CYP2C18: variants seen among roughly 807,000 people sequenced by gnomAD.
The protein encoded by CYP2C18 is cytochrome P450 family 2 subfamily C member 18.
CYP2C18 carries 38 observed loss-of-function variants against 41.3 expected under a neutral mutation model. The observed-to-expected ratio is 0.92, with a 90% CI of 0.71 to 1.21. CYP2C18 has a LOEUF of 1.21. Ranked by LOEUF, CYP2C18 falls within the 50% of genes most tolerant of loss-of-function variation. CYP2C18 has a pLI of 0.00. For missense variants in CYP2C18, 635 were observed against 591.4 expected (o/e 1.07, Z -0.77); for synonymous variants, 236 against 210.0 (o/e 1.12, Z -1.07).
chr10:94,717,773 G>C (rs1400767513), intron 5 of CYP2C18, among the ~76,000 whole-genome samples: 1 of 152,008 alleles, frequency 6.6e-6, no homozygotes, highest in African/African-American at 2.4e-5. Context: ...AGTTGCATGG[G>C]TTCTTTTCCA....
rs570879704 is a variant in CYP2C18 at position 94,716,698 on chromosome 10, T to C, written c.820-3698T>C. Among the ~76,000 whole-genome samples the C allele has an allele frequency of 9.2e-5, 14 of 152,282 alleles. 1 individual carries two copies. The South Asian group carries it at 2.7e-3, about 29-fold the overall frequency. On this transcript the variant is annotated intron_variant, in intron 5 of 8. Coordinates refer to ENST00000285979, the MANE Select transcript of CYP2C18 (RefSeq NM_000772.3). Reference sequence around the variant, plus strand: ...GAGTTCTGTAGATGTCTATTAGATCTGCTTGGTGCAGAGCTGAGTTCAATT... The same window carrying C: ...GAGTTCTGTAGATGTCTATTAGATCCGCTTGGTGCAGAGCTGAGTTCAATT...
intron 3 of CYP2C18, among the ~76,000 whole-genome samples, chr10:94,693,593 T>C (rs759340230): frequency 6.6e-6 from 1 of 152,082 alleles, no homozygotes; most frequent in African/African-American, 2.4e-5. Context: ...CATGCATGCA[T>C]GCACACACAC....
intron 3 of CYP2C18, among the ~76,000 whole-genome samples, chr10:94,691,907 A>G (rs1376389534): frequency 1.3e-5 from 2 of 152,230 alleles, no homozygotes; most frequent in African/African-American, 4.8e-5. Flanking sequence ...AAACCTGACA[A>G]AAACAAGCAA....
rs573464588 is a variant in CYP2C18, at chr10:94,704,176, G to C, written c.643-2608G>C. 3.3e-5 allele frequency among the ~76,000 whole-genome samples: 5 copies of C among 152,232 alleles called. No homozygotes were observed. In the East Asian group the frequency reaches 9.7e-4, roughly 29 times the overall value. On this transcript the variant is annotated intron_variant, in intron 4 of 8. Coordinates refer to ENST00000285979, the MANE Select transcript of CYP2C18 (RefSeq NM_000772.3). ...CACAGACTGGAGCTGTTCTTATTTGGCCATCTTGCCCCAATCCCAGTCCAG... is the reference window on the plus strand; with the variant it reads ...CACAGACTGGAGCTGTTCTTATTTGCCCATCTTGCCCCAATCCCAGTCCAG...
At chr10:94,709,549 A>G (rs1847399073) in intron 5 of CYP2C18, among the ~76,000 whole-genome samples, 1 of 152,138 alleles carries the variant, frequency 6.6e-6, no homozygotes, top group Admixed American at 6.6e-5. Context: ...CCATTTTGTC[A>G]AGTGTCTTTC....
At chr10:94,713,963 C>G (rs1242940813) in intron 5 of CYP2C18, among the ~76,000 whole-genome samples, 2 of 152,196 alleles carry the variant, frequency 1.3e-5, no homozygotes, top group Non-Finnish European at 1.5e-5. Context: ...TGTCTGTTGG[C>G]TGCATAAATG....
intron 3 of CYP2C18, among the ~76,000 whole-genome samples, chr10:94,693,271 C>T (rs2134178886): frequency 6.6e-6 from 1 of 152,166 alleles, no homozygotes. Context: ...TTGGTACTGT[C>T]CTCATGATAG....
intron 7 of CYP2C18, among the ~76,000 whole-genome samples, chr10:94,729,686 G>A (rs1847797887): frequency 6.6e-6 from 1 of 152,050 alleles, no homozygotes; most frequent in African/African-American, 2.4e-5. Context: ...GGTGTCCAGT[G>A]GCTAAGAGAA....
chr10:94,719,332 G>C (rs900507067), intron 5 of CYP2C18, among the ~76,000 whole-genome samples: 1 of 151,994 alleles, frequency 6.6e-6, no homozygotes, highest in Non-Finnish European at 1.5e-5. Context: ...AACTAGTACT[G>C]TAGCTCTGAA....
intron 7 of CYP2C18, among the ~76,000 whole-genome samples, chr10:94,724,812 A>C (rs2134206241): frequency 6.6e-6 from 1 of 152,024 alleles, no homozygotes; most frequent in South Asian, 2.1e-4. Context: ...AAGTGTTGAA[A>C]GTATCATTTT....
chr10:94,705,211 G>A (rs1589798482), intron 4 of CYP2C18, among the ~76,000 whole-genome samples: 2 of 152,174 alleles, frequency 1.3e-5, no homozygotes, highest in African/African-American at 4.8e-5. Context: ...GTCCTTTGCA[G>A]GGACACAGAT....
rs943337978 is a variant in CYP2C18, at chr10:94,706,299, A to G, written c.643-485A>G. ...ATGGGTACTTATCCATAAAATGCTGAGTTACATTTTATGGTATCTTTGTAC... is the reference window on the plus strand; with the variant it reads ...ATGGGTACTTATCCATAAAATGCTGGGTTACATTTTATGGTATCTTTGTAC... On this transcript the variant is annotated intron_variant, in intron 4 of 8. Coordinates refer to ENST00000285979, the MANE Select transcript of CYP2C18 (RefSeq NM_000772.3). Among the ~76,000 whole-genome samples, 8 of 152,150 alleles carry G rather than the reference A, an allele frequency of 5.3e-5. No individual in the cohort carries two copies. In the East Asian group the frequency reaches 1.5e-3, roughly 29 times the overall value.
At chr10:94,728,569 C>T in intron 7 of CYP2C18, 1 of 852,282 alleles carries the variant, frequency 1.2e-6, no homozygotes, top group South Asian at 5.4e-5. Context: ...GGATTCATCT[C>T]TGATGAAGAG....
rs1364853450 is a variant in CYP2C18, at chr10:94,696,810, G to A, written c.642+1733G>A. ...AGGACCTGATGGAGCTGAAAACCAC[G>A]GCCCGAGAATTATGTGATGAATGCA... On this transcript the variant is annotated intron_variant, in intron 4 of 8. Transcript: ENST00000285979. 3.9e-5 allele frequency among the ~76,000 whole-genome samples: 6 copies of A among 152,230 alleles called. No homozygotes were observed. The South Asian group carries it at 6.2e-4, about 16-fold the overall frequency.
At chr10:94,697,774 G>A (rs1445312244) in intron 4 of CYP2C18, among the ~76,000 whole-genome samples, 1 of 152,116 alleles carries the variant, frequency 6.6e-6, no homozygotes, top group Admixed American at 6.5e-5. Context: ...CAAAATAAAG[G>A]GATGGAGGAA....
intron 6 of CYP2C18, among the ~76,000 whole-genome samples, chr10:94,721,370 G>A (rs1847641932): frequency 6.6e-6 from 1 of 152,082 alleles, no homozygotes; most frequent in African/African-American, 2.4e-5. Context: ...TTAATGCTGG[G>A]ACAGTAAAGA....
At position 94,720,413 on chromosome 10, in the gene CYP2C18, G is replaced by T; in HGVS notation, c.837G>T (p.Gln279His). Residue 279 changes from glutamine to histidine, a missense_variant, in exon 6 of 9, where the codon CAG becomes CAT. Transcript: ENST00000285979. ...TTTTTTAGGAAAAGCACAATCAACA[G>T]TCTGAATTTACTGTTGAAAGCTTGA... ...IKMEQEKHNQQSEFTVESLIA... is the reference protein window; with the variant it reads ...IKMEQEKHNQHSEFTVESLIA... 6.2e-7 allele frequency: 1 copy of T among 1,610,466 alleles called. No homozygotes were observed. Among genetic ancestry groups the T allele is most frequent in the Non-Finnish European group, 8.5e-7 (1 of 1,178,798 alleles).
At chr10:94,692,713 C>T (rs1272712516) in intron 3 of CYP2C18, among the ~76,000 whole-genome samples, 1 of 152,180 alleles carries the variant, frequency 6.6e-6, no homozygotes, top group Non-Finnish European at 1.5e-5. Context: ...TATAAAGACA[C>T]ATGCACAGGT....
intron 2 of CYP2C18, 43 bp downstream of exon 2, chr10:94,687,975 C>T (rs371698646): frequency 2.5e-6 from 4 of 1,605,212 alleles, no homozygotes; most frequent in African/African-American, 1.3e-5. Flanking sequence ...TGTGTATGTA[C>T]TGGGCAGTGG....
Sources: allele counts gnomAD v4.1 joint callset (sites outside exome capture counted in the v4.1 genomes callset), GRCh38; gene constraint gnomAD v4.1.1; transcripts MANE v1.5; gene names NCBI Gene and HGNC (gene_info 2026-07-23, HGNC 2026-07-21).